EPHB1: variants seen among roughly 807,000 people sequenced by gnomAD.
The protein encoded by EPHB1 is ephrin type-B receptor 1.
EPHB1 carries 30 observed loss-of-function variants against 94.4 expected under a neutral mutation model. That is an observed-to-expected ratio of 0.32 (90% CI 0.24 to 0.43). EPHB1 has a LOEUF of 0.43. EPHB1 is among the 20% of genes least tolerant of loss of function. The pLI is 1.00. For synonymous variants in EPHB1, 522 were observed against 489.1 expected, an observed-to-expected ratio of 1.07 and a Z score of -0.89; for missense variants, 1,055 against 1,308.3, an observed-to-expected ratio of 0.81 and a Z score of 2.99.
At position 134,951,792 on chromosome 3, in the gene EPHB1, C is replaced by G. The variant is rs1489176037; in HGVS notation, c.545C>G (p.Ala182Gly). The G allele has an allele frequency of 1.9e-6, 3 of 1,613,906 alleles. No individual in the cohort carries two copies. Among genetic ancestry groups the G allele is most frequent in the African/African-American group, 2.7e-5 (2 of 74,916 alleles). ...TACCTCGCTTTTCAGGATTATGGAGCCTGTATGTCTCTTCTTTCTGTCCGT... is the reference window on the plus strand; with the variant it reads ...TACCTCGCTTTTCAGGATTATGGAGGCTGTATGTCTCTTCTTTCTGTCCGT... Reference protein sequence around the residue: ...GFYLAFQDYGACMSLLSVRVF... With the variant: ...GFYLAFQDYGGCMSLLSVRVF... The change falls in exon 3 of 16, where the codon GCC (alanine) becomes GGC (glycine). Residue 182 changes from alanine to glycine, a missense_variant. Physicochemically the swap from Ala to Gly is moderately conservative, Grantham distance 60. Coordinates refer to ENST00000398015, the MANE Select transcript of EPHB1 (RefSeq NM_004441.5). The surrounding 1 kb of genome is among the most constrained non-coding windows in gnomAD (Gnocchi z 4.5).
intron 1 of EPHB1, among the ~76,000 whole-genome samples, chr3:134,817,379 C>G (rs1291081909): frequency 1.3e-5 from 2 of 152,190 alleles, no homozygotes; most frequent in Non-Finnish European, 2.9e-5. Flanking sequence ...CACCCAGCAC[C>G]TGGTTCTCAG....
Position 134,951,759 on chromosome 3 carries a change from A to G in EPHB1, c.512A>G (p.Asn171Ser), listed in dbSNP as rs1444676644. 1 of 1,614,006 alleles carries G rather than the reference A, an allele frequency of 6.2e-7. No homozygotes were observed. The highest frequency in any genetic ancestry group is 1.6e-4 in the Middle Eastern group (1 of 6,062). Residue 171 changes from asparagine to serine, a missense_variant, in exon 3 of 16, where the codon AAT becomes AGT. By Grantham distance (46) the Asn-to-Ser change is conservative. Transcript: ENST00000398015. This position sits in a 1 kb window ranked among gnomAD's most constrained non-coding sequence, Gnocchi z 4.5. ...EVRSFGPLTRNGFYLAFQDYG... is the reference protein window; with the variant it reads ...EVRSFGPLTRSGFYLAFQDYG... ...AGGAGCTTTGGGCCTCTTACTCGGAATGGTTTTTACCTCGCTTTTCAGGAT... is the reference window on the plus strand; with the variant it reads ...AGGAGCTTTGGGCCTCTTACTCGGAGTGGTTTTTACCTCGCTTTTCAGGAT...
rs370967831 is a variant in EPHB1, at chr3:135,228,959, A to G, written c.2347-12189A>G. Among the ~76,000 whole-genome samples, 5 of 152,102 alleles carry G rather than the reference A, an allele frequency of 3.3e-5. No individual in the cohort carries two copies. In the South Asian group the frequency reaches 8.3e-4, roughly 25 times the overall value. ...TGGGAGGTTTCAAGAGCACCCCCCCACTTTTTACCAGGTGTGGACCCCTGG... is the reference window on the plus strand; with the variant it reads ...TGGGAGGTTTCAAGAGCACCCCCCCGCTTTTTACCAGGTGTGGACCCCTGG... On this transcript the variant is annotated intron_variant, in intron 12 of 15. Coordinates refer to ENST00000398015, the MANE Select transcript of EPHB1 (RefSeq NM_004441.5).
At chr3:135,088,084 T>C (rs1271413177) in intron 3 of EPHB1, among the ~76,000 whole-genome samples, 1 of 152,172 alleles carries the variant, frequency 6.6e-6, no homozygotes, top group Non-Finnish European at 1.5e-5. Context: ...TAGGACAAGA[T>C]GCCCTAAGTG....
At chr3:135,191,180 C>T (rs1237261642) in intron 10 of EPHB1, among the ~76,000 whole-genome samples, 1 of 151,896 alleles carries the variant, frequency 6.6e-6, no homozygotes, top group Non-Finnish European at 1.5e-5. Flanking sequence ...AAAAGAACAG[C>T]CCCCCCAAAA....
chr3:134,846,786 T>C (rs984579789), intron 1 of EPHB1, among the ~76,000 whole-genome samples: 1 of 152,154 alleles, frequency 6.6e-6, no homozygotes, highest in Admixed American at 6.5e-5. Flanking sequence ...TGGTCCATCA[T>C]TGAGGTTGAA....
At chr3:135,216,792 T>C (rs1429111423) in intron 12 of EPHB1, among the ~76,000 whole-genome samples, 1 of 143,310 alleles carries the variant, frequency 7.0e-6, no homozygotes, top group Non-Finnish European at 1.5e-5. Context: ...GAAACAAAAA[T>C]ATGCAAATTA....
Position 135,165,954 on chromosome 3 carries a change from T to C in EPHB1, c.1586-14T>C, listed in dbSNP as rs1017464812. On this transcript the variant is annotated splice_polypyrimidine_tract_variant and intron_variant, in intron 7 of 15. Transcript: ENST00000398015. ...GGCACATGGGGAGGATTCTAATGCCTCTTTCTCACCTAGATGATTACAAGT... is the reference window on the plus strand; with the variant it reads ...GGCACATGGGGAGGATTCTAATGCCCCTTTCTCACCTAGATGATTACAAGT... 3.1e-6 allele frequency: 5 copies of C among 1,609,728 alleles called. No homozygotes were observed. The African/African-American group carries it at 6.7e-5, about 22-fold the overall frequency.
intron 3 of EPHB1, among the ~76,000 whole-genome samples, chr3:135,030,997 C>A (rs959489594): frequency 1.3e-5 from 2 of 152,184 alleles, no homozygotes; most frequent in African/African-American, 4.8e-5. Flanking sequence ...CAGGTGCCGT[C>A]CATCACCCCT....
At chr3:134,806,980 T>C (rs995609358) in intron 1 of EPHB1, among the ~76,000 whole-genome samples, 1 of 152,214 alleles carries the variant, frequency 6.6e-6, no homozygotes, top group Non-Finnish European at 1.5e-5. Flanking sequence ...AAGGGCATTC[T>C]TAGCAAGTGG....
At chr3:134,801,446 G>A (rs2035933467) in intron 1 of EPHB1, among the ~76,000 whole-genome samples, 1 of 152,272 alleles carries the variant, frequency 6.6e-6, no homozygotes, top group Admixed American at 6.5e-5. Context: ...ACCCTTACCT[G>A]TCCTCCATTG....
intron 5 of EPHB1, among the ~76,000 whole-genome samples, chr3:135,151,385 C>G (rs953260613): frequency 1.3e-5 from 2 of 152,122 alleles, no homozygotes; most frequent in Non-Finnish European, 2.9e-5. Flanking sequence ...TCCAGATACC[C>G]ACTCAGCTCC....
rs149729881 is a variant in EPHB1, at chr3:134,812,154, A to G, written c.58+16465A>G. Reference sequence around the variant, plus strand: ...TAGGCTTTCTTGAAGCATAATTTACATATAATAGGTTTTAGATGTACAATT... The same window carrying G: ...TAGGCTTTCTTGAAGCATAATTTACGTATAATAGGTTTTAGATGTACAATT... On this transcript the variant is annotated intron_variant, in intron 1 of 15. Coordinates refer to ENST00000398015, the MANE Select transcript of EPHB1 (RefSeq NM_004441.5). Among the ~76,000 whole-genome samples the G allele has an allele frequency of 1.3e-4, 20 of 152,334 alleles. No homozygotes were observed. The East Asian group carries it at 3.7e-3, about 28-fold the overall frequency.
intron 3 of EPHB1, among the ~76,000 whole-genome samples, chr3:134,979,805 G>A (rs1219137221): frequency 6.6e-6 from 1 of 151,256 alleles, no homozygotes; most frequent in Non-Finnish European, 1.5e-5. Flanking sequence ...TTTGTAGAGG[G>A]AAAAAAATGG....
At chr3:135,168,468 G>T (rs1314543366) in intron 9 of EPHB1, among the ~76,000 whole-genome samples, 2 of 152,180 alleles carry the variant, frequency 1.3e-5, no homozygotes, top group African/African-American at 4.8e-5. Flanking sequence ...CCTTTCCTAT[G>T]GCCGGACTGT....
chr3:135,166,176 C>T (rs576667247), intron 8 of EPHB1, 100 bp downstream of exon 8: 15 of 780,104 alleles, frequency 1.9e-5, no homozygotes, highest in South Asian at 6.3e-5. Flanking sequence ...TGACCATTCA[C>T]GACCACAATC....
At chr3:135,174,896 C>T (rs553784631) in intron 9 of EPHB1, among the ~76,000 whole-genome samples, 3 of 152,288 alleles carry the variant, frequency 2.0e-5, no homozygotes, top group South Asian at 2.1e-4. Flanking sequence ...CTAAATACAG[C>T]CTAATGCACT....
intron 3 of EPHB1, among the ~76,000 whole-genome samples, chr3:134,980,417 T>A (rs1261498866): frequency 1.3e-5 from 2 of 152,088 alleles, no homozygotes; most frequent in African/African-American, 4.8e-5. Context: ...GTTGAAGAAG[T>A]CACAAGCCCA....
intron 1 of EPHB1, among the ~76,000 whole-genome samples, chr3:134,852,044 A>G (rs1328527580): frequency 1.3e-5 from 2 of 152,168 alleles, no homozygotes; most frequent in African/African-American, 4.8e-5. Context: ...GTTTAAGTTC[A>G]GATTATGTGC....
Sources: gnomAD v4.1 joint callset for allele counts (sites outside exome capture counted in the v4.1 genomes callset) on GRCh38, gnomAD v4.1.1 for gene constraint, Gnocchi (gnomAD v3.1) non-coding constraint, MANE v1.5 for transcripts, NCBI Gene and HGNC (gene_info 2026-07-23, HGNC 2026-07-21) for gene names.